IL4R: variants seen among roughly 807,000 people sequenced by gnomAD.
IL4R encodes interleukin 4 receptor.
A neutral mutation model predicts 41.5 loss-of-function variants in IL4R; 17 were observed. The observed-to-expected ratio is 0.41, with a 90% CI of 0.28 to 0.61. The LOEUF is 0.61. Ranked by LOEUF, IL4R falls within the 20% of genes least tolerant of loss-of-function variation. The pLI, the probability that IL4R is intolerant of heterozygous loss-of-function variation, is 0.31. For missense variants in IL4R, 974 were observed against 1,043.1 expected (o/e 0.93, Z 0.91); for synonymous variants, 402 against 422.9 (o/e 0.95, Z 0.61).
At chr16:27,356,149 T>A (rs2086072494) in intron 8 of IL4R, among the ~76,000 whole-genome samples, 1 of 149,106 alleles carries the variant, frequency 6.7e-6, no homozygotes, top group South Asian at 2.1e-4. Flanking sequence ...TGGAGTATAG[T>A]GGCACAATCT....
intron 1 of IL4R, among the ~76,000 whole-genome samples, chr16:27,329,612 G>C (rs563969218): frequency 1.3e-5 from 2 of 151,264 alleles, no homozygotes; most frequent in Non-Finnish European, 2.9e-5. Context: ...GGGAGGTGGA[G>C]GTTGCAGTGA....
chr16:27,322,929 G>T (rs1379114935), intron 1 of IL4R, among the ~76,000 whole-genome samples: 1 of 152,090 alleles, frequency 6.6e-6, no homozygotes. Flanking sequence ...GCCTGCCACG[G>T]TCTCCCACCG....
chr16:27,314,152 G>C (rs1170684303), intron 1 of IL4R, 132 bp downstream of exon 1: 2 of 902,974 alleles, frequency 2.2e-6, no homozygotes, highest in Non-Finnish European at 2.7e-6. Flanking sequence ...CGGGGCCCGA[G>C]CCCGCGACTC....
intron 6 of IL4R, among the ~76,000 whole-genome samples, chr16:27,349,901 C>T (rs1281589487): frequency 1.3e-5 from 2 of 152,206 alleles, no homozygotes; most frequent in African/African-American, 4.8e-5. Context: ...AGGCACAGGC[C>T]ACCACGCCAG....
chr16:27,338,672 T>C (rs1176373712), intron 2 of IL4R, among the ~76,000 whole-genome samples: 2 of 151,996 alleles, frequency 1.3e-5, no homozygotes, highest in African/African-American at 4.8e-5. Context: ...TGGTTGGTCA[T>C]GAATGGGGTT....
At position 27,359,017 on chromosome 16, in the gene IL4R, A is replaced by T. The variant is rs2086190460; in HGVS notation, c.849+23A>T. The T allele has an allele frequency of 5.8e-6, 9 of 1,564,122 alleles. No homozygotes were observed. In the East Asian group the frequency reaches 2.0e-4, roughly 35 times the overall value. On this transcript the variant is annotated intron_variant, in intron 9 of 10. Coordinates refer to ENST00000395762, the MANE Select transcript of IL4R (RefSeq NM_000418.4). Reference sequence around the variant, plus strand: ...CAGGTAGGAGTAGGCGTGGATGAGGACATGTGGGACTGTGTACATGAAGAA... The same window carrying T: ...CAGGTAGGAGTAGGCGTGGATGAGGTCATGTGGGACTGTGTACATGAAGAA...
chr16:27,350,208 T>C (rs1329926136), intron 6 of IL4R, among the ~76,000 whole-genome samples: 3 of 152,232 alleles, frequency 2.0e-5, no homozygotes, highest in Non-Finnish European at 2.9e-5. Flanking sequence ...ATTTCTCTTT[T>C]GTTTCTTAGT....
rs189344850 is a variant in IL4R, at chr16:27,332,614, G to A, written c.-19+2416G>A. Among the ~76,000 whole-genome samples, 61 of 151,854 alleles carry A rather than the reference G, an allele frequency of 4.0e-4. No individual in the cohort carries two copies. In the East Asian group the frequency reaches 4.8e-3, roughly 12 times the overall value. On this transcript the variant is annotated intron_variant, in intron 2 of 10. Coordinates refer to ENST00000395762, the MANE Select transcript of IL4R (RefSeq NM_000418.4). ...ATTTATCAATTTCATTGATCTTTTC[G>A]AAGAACCAATTTTTGATTTCATTGA...
rs752744351 is a variant in IL4R at position 27,355,877 on chromosome 16, T to C, written c.740T>C (p.Val247Ala). The C allele has an allele frequency of 6.2e-7, 1 of 1,613,518 alleles. No individual in the cohort carries two copies. The highest frequency in any genetic ancestry group is 2.2e-5 in the East Asian group (1 of 44,866). The part of the protein sequence containing the change: ...VSVSCIVILA[V>A]CLLCYVSITK... ...GTTTCCTGCATTGTCATCCTGGCCG[T>C]CTGCCTGTTGTGCTATGTCAGCATC... Residue 247 changes from valine to alanine, a missense_variant, in exon 8 of 11, where the codon GTC becomes GCC. This residue lies in a region of IL4R where 284 missense variants were observed against 313.4 expected (regional missense o/e 0.91). Coordinates refer to ENST00000395762, the MANE Select transcript of IL4R (RefSeq NM_000418.4).
Position 27,360,719 on chromosome 16 carries a change from G to T in IL4R, c.850-47G>T, listed in dbSNP as rs764572498. ...CTGAGCATTGCCGTACTCCAGGCCGGGCTGCAAGGCCACTCTGCTCTTTCA... is the reference window on the plus strand; with the variant it reads ...CTGAGCATTGCCGTACTCCAGGCCGTGCTGCAAGGCCACTCTGCTCTTTCA... On this transcript the variant is annotated intron_variant, in intron 9 of 10. Transcript: ENST00000395762. 7 of 1,613,424 alleles carry T rather than the reference G, an allele frequency of 4.3e-6. No homozygotes were observed. In the African/African-American group the frequency reaches 8.0e-5, roughly 18 times the overall value.
Position 27,317,502 on chromosome 16 carries a change from G to A in IL4R, c.-152+3482G>A, listed in dbSNP as rs143498842. Among the ~76,000 whole-genome samples, 525 of 152,322 alleles carry A rather than the reference G, an allele frequency of 3.4e-3. 13 individuals carry two copies. Among genetic ancestry groups the A allele is most frequent in the Admixed American group, 0.03 (466 of 15,306 alleles). The stretch of plus-strand genomic sequence containing the variant: ...GGCTGGGCTAGAAGAGAGGCCAGGA[G>A]CTTGTCTGGAGGTTGCACAGACCTG... On this transcript the variant is annotated intron_variant, in intron 1 of 10. Transcript: ENST00000395762.
chr16:27,358,010 C>T (rs1363618510), intron 8 of IL4R, among the ~76,000 whole-genome samples: 5 of 151,994 alleles, frequency 3.3e-5, no homozygotes, highest in Non-Finnish European at 5.9e-5. Context: ...TCTCCTGCCT[C>T]AGCCTCCTGA....
intron 10 of IL4R, 107 bp from the exon 11 acceptor site, chr16:27,362,145 G>A: frequency 9.6e-7 from 1 of 1,044,054 alleles, no homozygotes; most frequent in African/African-American, 1.6e-5. Context: ...AGGCATGTCT[G>A]AAGTAGACAG....
intron 2 of IL4R, among the ~76,000 whole-genome samples, chr16:27,333,982 A>T (rs986030841): frequency 6.6e-6 from 1 of 151,910 alleles, no homozygotes; most frequent in Admixed American, 6.6e-5. Context: ...TCCCGGGTTC[A>T]AGCCATTCTC....
chr16:27,357,619 A>G (rs1477678558), intron 8 of IL4R, among the ~76,000 whole-genome samples: 3 of 151,810 alleles, frequency 2.0e-5, no homozygotes, highest in Non-Finnish European at 4.4e-5. Flanking sequence ...GTGTGCCACG[A>G]CACCCAGCTA....
At chr16:27,327,895 T>C (rs1428180958) in intron 1 of IL4R, among the ~76,000 whole-genome samples, 1 of 152,074 alleles carries the variant, frequency 6.6e-6, no homozygotes, top group South Asian at 2.1e-4. Flanking sequence ...GGACAAAAGC[T>C]TGGGACCTGG....
At chr16:27,353,110 A>G (rs1442581922) in intron 7 of IL4R, among the ~76,000 whole-genome samples, 2 of 152,142 alleles carry the variant, frequency 1.3e-5, no homozygotes, top group African/African-American at 4.8e-5. Context: ...CTCATTTCAG[A>G]ATATTTTTAA....
intron 2 of IL4R, among the ~76,000 whole-genome samples, chr16:27,338,313 G>A (rs189329817): frequency 5.3e-5 from 8 of 151,782 alleles, no homozygotes; most frequent in Admixed American, 4.6e-4. Flanking sequence ...GACATCCCAG[G>A]CTCAAACGAT....
chr16:27,347,533 AG>A (rs2085694218), intron 6 of IL4R, among the ~76,000 whole-genome samples: 1 of 152,198 alleles, frequency 6.6e-6, no homozygotes, highest in East Asian at 1.9e-4. Flanking sequence ...ATCTTTAAAA[AG>A]GGCGAGAGGA....
Sources: allele counts gnomAD v4.1 joint callset (sites outside exome capture counted in the v4.1 genomes callset), GRCh38; gene constraint gnomAD v4.1.1; regional missense constraint gnomAD v4.1.1; transcripts MANE v1.5; gene names NCBI Gene and HGNC (gene_info 2026-07-23, HGNC 2026-07-21).